TBC1D9B: variants seen among roughly 807,000 people sequenced by gnomAD.
TBC1D9B encodes the protein TBC1 domain family member 9B.
A neutral mutation model predicts 121.1 loss-of-function variants in TBC1D9B; 87 were observed. That is an observed-to-expected ratio of 0.72 (90% confidence interval 0.60 to 0.86). The LOEUF is 0.86. TBC1D9B is among the 40% of genes least tolerant of loss of function. The probability of loss-of-function intolerance (pLI) is 0.00; values close to 1 mark genes in which losing one functional copy is unlikely to be tolerated. For missense variants in TBC1D9B, 1,540 were observed against 1,628.6 expected, an observed-to-expected ratio of 0.95 and a Z score of 0.94; for synonymous variants, 668 against 670.1, an observed-to-expected ratio of 1.00 and a Z score of 0.05.
intron 15 of TBC1D9B, among the ~76,000 whole-genome samples, chr5:179,870,997 G>A (rs1171574159): frequency 6.6e-6 from 1 of 152,204 alleles, no homozygotes; most frequent in African/African-American, 2.4e-5. Flanking sequence ...AAAAGCACAA[G>A]GGAAAGAAAA....
chr5:179,862,786 T>C lies in TBC1D9B; in HGVS notation c.*662A>G. On this transcript the variant is annotated 3_prime_UTR_variant, in exon 21 of 21. Transcript: ENST00000355235. Reference sequence around the variant, plus strand: ...TTAAGGCATTGAGCACAGTGTAATTTCTAGCCAAGTGAAATGAATCCAAGG... The same window carrying C: ...TTAAGGCATTGAGCACAGTGTAATTCCTAGCCAAGTGAAATGAATCCAAGG... 1 of 342,402 alleles carries C rather than the reference T, an allele frequency of 2.9e-6. No individual in the cohort carries two copies. The highest frequency in any genetic ancestry group is 6.0e-6 in the Non-Finnish European group (1 of 167,622). 21.2% of individuals were successfully genotyped at this position (342,402 alleles called of 1,614,324 possible).
In TBC1D9B at chr5:179,865,203, C is replaced by T. The variant is rs746682556; in HGVS notation, c.3021+51G>A. 15 of 1,578,162 alleles carry T rather than the reference C, an allele frequency of 9.5e-6. No homozygotes were observed. In the Admixed American group the frequency reaches 2.5e-4, roughly 26 times the overall value. On this transcript the variant is annotated intron_variant, in intron 20 of 20. Transcript: ENST00000355235. This position sits in a 1 kb window ranked among gnomAD's most constrained non-coding sequence, Gnocchi z 5.1. ...AGGTGCGGTGATGTTAGGGCCCAGTCTTGGTCAGAACTCTCCAGAAATGTC... is the reference window on the plus strand; with the variant it reads ...AGGTGCGGTGATGTTAGGGCCCAGTTTTGGTCAGAACTCTCCAGAAATGTC...
Position 179,865,955 on chromosome 5 carries a change from G to A in TBC1D9B, c.2864-67C>T, listed in dbSNP as rs777923080. 4.4e-6 allele frequency: 7 copies of A among 1,589,220 alleles called. No individual in the cohort carries two copies. The highest frequency in any genetic ancestry group is 4.3e-6 in the Non-Finnish European group (5 of 1,158,000). ...GCTGTTGGGACTGCAAGCTCCTGGG[G>A]TCCTTGAGATGTAGTCTGTGTTTCT... On this transcript the variant is annotated intron_variant, in intron 18 of 20. Transcript: ENST00000355235. This position sits in a 1 kb window ranked among gnomAD's most constrained non-coding sequence, Gnocchi z 5.1.
Position 179,872,950 on chromosome 5 carries a change from C to A in TBC1D9B, c.2357G>T (p.Arg786Leu). The A allele has an allele frequency of 3.1e-6, 5 of 1,613,630 alleles. No homozygotes were observed. Among genetic ancestry groups the A allele is most frequent in the Non-Finnish European group, 4.2e-6 (5 of 1,179,838 alleles). The change falls in exon 14 of 21, where the codon CGG becomes CTG. Residue 786 changes from arginine (R) to leucine (L), a missense_variant. By Grantham distance (102) the Arg-to-Leu change is moderately radical. Transcript: ENST00000355235. Reference protein sequence around the residue: ...SLRAEDIEQMRFKQRLKVIQS... With the variant: ...SLRAEDIEQMLFKQRLKVIQS... ...GATCACTTTCAGCCTCTGTTTAAAC[C>A]GCATCTGCTCAATGTCTTCGGCCCT... is the stretch of plus-strand genomic sequence containing the variant.
intron 1 of TBC1D9B, among the ~76,000 whole-genome samples, chr5:179,905,734 C>T (rs961273741): frequency 6.6e-6 from 1 of 152,222 alleles, no homozygotes; most frequent in South Asian, 2.1e-4. Context: ...ATCTAAAAAC[C>T]TGTTTATTGT....
At chr5:179,889,734 T>G in intron 6 of TBC1D9B, among the ~76,000 whole-genome samples, 1 of 150,718 alleles carries the variant, frequency 6.6e-6, no homozygotes, top group African/African-American at 2.4e-5. Context: ...AACAGCTAGG[T>G]GTGGTGGCAA....
At chr5:179,880,367 G>C (rs1044522679) in intron 7 of TBC1D9B, among the ~76,000 whole-genome samples, 1 of 152,248 alleles carries the variant, frequency 6.6e-6, no homozygotes, top group Non-Finnish European at 1.5e-5. Context: ...AGAAAGCAAA[G>C]TCCAGTGGGG....
rs1165529140 is a variant in TBC1D9B at position 179,891,075 on chromosome 5, G to A, written c.1044+304C>T. Among the ~76,000 whole-genome samples, 1 of 152,230 alleles carries A rather than the reference G, an allele frequency of 6.6e-6. No homozygotes were observed. The stretch of plus-strand genomic sequence containing the variant: ...GCACTTTGCCCTGCAGGGCCCAGAA[G>A]GCAGGCCTGATGGAAACTCACGCGT... On this transcript the variant is annotated intron_variant, in intron 6 of 20. Transcript: ENST00000355235. This position sits in a 1 kb window ranked among gnomAD's most constrained non-coding sequence, Gnocchi z 4.3.
rs150027648 is a variant in TBC1D9B at position 179,875,701 on chromosome 5, T to C, written c.1900+219A>G. Among the ~76,000 whole-genome samples, 141 of 152,358 alleles carry C rather than the reference T, an allele frequency of 9.3e-4. 1 individual carries two copies. The highest frequency in any genetic ancestry group is 3.0e-3 in the African/African-American group (123 of 41,586). ...GGGGATATATACTCTCTAGTTTTGA[T>C]GTTTGAAATTTTCCATAATCAAAAA... is the stretch of plus-strand genomic sequence containing the variant. On this transcript the variant is annotated intron_variant, in intron 11 of 20. Transcript: ENST00000355235. The surrounding 1 kb of genome is among the most constrained non-coding windows in gnomAD (Gnocchi z 4.5).
chr5:179,907,771 CG>C lies in TBC1D9B; in HGVS notation c.50del (p.Thr17ArgfsTer126), dbSNP rs1761366788. 1 of 1,228,132 alleles carries C rather than the reference CG, an allele frequency of 8.1e-7. No homozygotes were observed. The highest frequency in any genetic ancestry group is 1.0e-6 in the Non-Finnish European group (1 of 956,856). 76.1% of individuals were successfully genotyped at this position (1,228,132 alleles called of 1,614,324 possible). A position where few individuals can be genotyped will look rare whatever the true frequency, so the allele number is the denominator to read the frequency against. The part of the protein sequence containing the change: ...EVLVANALWV[T>X]ERANPFFVLQ... ...GCACGAAGAAGGGGTTGGCCCGCTC[CG>C]TCACCCACAGCGCATTGGCCACCAG... is the stretch of plus-strand genomic sequence containing the variant. On this transcript the variant is annotated frameshift_variant, in exon 1 of 21. Coordinates refer to ENST00000355235, the MANE Select transcript of TBC1D9B (RefSeq NM_015043.4). LOFTEE classifies it high-confidence loss of function. This position sits in a 1 kb window ranked among gnomAD's most constrained non-coding sequence, Gnocchi z 5.3.
chr5:179,865,239 T>C lies in TBC1D9B; in HGVS notation c.3021+15A>G. 1 of 1,613,030 alleles carries C rather than the reference T, an allele frequency of 6.2e-7. No individual in the cohort carries two copies. Among genetic ancestry groups the C allele is most frequent in the Non-Finnish European group, 8.5e-7 (1 of 1,178,960 alleles). On this transcript the variant is annotated intron_variant, in intron 20 of 20. Transcript: ENST00000355235. This position sits in a 1 kb window ranked among gnomAD's most constrained non-coding sequence, Gnocchi z 5.1. The stretch of plus-strand genomic sequence containing the variant: ...CTCTCCAGAAATGTCTACTGTGGGC[T>C]CCAGTGGAGCCTACCTGGTTCATCT...
rs148187339 is a variant in TBC1D9B at position 179,862,429 on chromosome 5, A to G, written c.*1019T>C. 11 of 394,896 alleles carry G rather than the reference A, an allele frequency of 2.8e-5. No individual in the cohort carries two copies. The East Asian group carries it at 7.5e-4, about 27-fold the overall frequency. The allele number at this position is 394,896 out of a possible 1,614,324, so 24.5% of individuals were successfully genotyped here. On this transcript the variant is annotated 3_prime_UTR_variant, in exon 21 of 21. Coordinates refer to ENST00000355235, the MANE Select transcript of TBC1D9B (RefSeq NM_015043.4). The stretch of plus-strand genomic sequence containing the variant: ...CTCCACAGTCTGGTTCTTGAACCCA[A>G]GGGCAGACAGCTTGCTACAGCCCAG...
At chr5:179,897,142 C>T (rs1440823476) in intron 3 of TBC1D9B, among the ~76,000 whole-genome samples, 1 of 151,874 alleles carries the variant, frequency 6.6e-6, no homozygotes, top group Non-Finnish European at 1.5e-5. Flanking sequence ...CTCCTGACCT[C>T]GTGATCCGCC....
chr5:179,875,305 G>A lies in TBC1D9B; in HGVS notation c.1901-118C>T. 3.1e-6 allele frequency: 4 copies of A among 1,289,454 alleles called. No homozygotes were observed. The highest frequency in any genetic ancestry group is 2.5e-5 in the East Asian group (1 of 40,462). The allele number at this position is 1,289,454 out of a possible 1,614,324, so 79.9% of individuals were successfully genotyped here. A position where few individuals can be genotyped will look rare whatever the true frequency, so the allele number is the denominator to read the frequency against. On this transcript the variant is annotated intron_variant, in intron 11 of 20. Transcript: ENST00000355235. This position sits in a 1 kb window ranked among gnomAD's most constrained non-coding sequence, Gnocchi z 4.5. ...CTGCCAGCTGTGCAGTGAGGGCTGA[G>A]GGAGACTTGGAGTGCTGGGAGAAAA...
rs1760643892 is a variant in TBC1D9B at position 179,885,257 on chromosome 5, A to G, written c.1254+2846T>C. Among the ~76,000 whole-genome samples the G allele has an allele frequency of 2.0e-5, 3 of 152,230 alleles. No individual in the cohort carries two copies. Among genetic ancestry groups the G allele is most frequent in the Non-Finnish European group, 4.4e-5 (3 of 68,046 alleles). ...AACAATATATTTGACTTAATCCAAT[A>G]TATCCAAAATACTCGCATTTCAACA... On this transcript the variant is annotated intron_variant, in intron 7 of 20. Transcript: ENST00000355235. The surrounding 1 kb of genome is among the most constrained non-coding windows in gnomAD (Gnocchi z 4.5).
chr5:179,902,057 G>A lies in TBC1D9B; in HGVS notation c.229+2645C>T, dbSNP rs1276489446. On this transcript the variant is annotated intron_variant, in intron 2 of 20. Coordinates refer to ENST00000355235, the MANE Select transcript of TBC1D9B (RefSeq NM_015043.4). This position sits in a 1 kb window ranked among gnomAD's most constrained non-coding sequence, Gnocchi z 4.9. ...TTACCCAAGGTCACACAGCTGGGAAGTGATCAAATCAGAATCCTAACCCTG... is the reference window on the plus strand; with the variant it reads ...TTACCCAAGGTCACACAGCTGGGAAATGATCAAATCAGAATCCTAACCCTG... Among the ~76,000 whole-genome samples, 3 of 152,362 alleles carry A rather than the reference G, an allele frequency of 2.0e-5. No homozygotes were observed.
At chr5:179,871,622 G>GGCAA (rs1463110409) in intron 14 of TBC1D9B, 92 bp from the exon 15 acceptor site, 6 of 1,421,510 alleles carry the variant, frequency 4.2e-6, no homozygotes, top group Non-Finnish European at 3.9e-6. Flanking sequence ...GGCAGACAAG[G>GGCAA]GCAAGGGTGT....
chr5:179,887,821 G>A (rs980451122), intron 7 of TBC1D9B: 4 of 505,210 alleles, frequency 7.9e-6, no homozygotes, highest in African/African-American at 5.8e-5. Context: ...TGCTCTGAGT[G>A]CAGCAGCAAT....
At position 179,875,843 on chromosome 5, in the gene TBC1D9B, C is replaced by T. The variant is rs1760342266; in HGVS notation, c.1900+77G>A. On this transcript the variant is annotated intron_variant, in intron 11 of 20. Transcript: ENST00000355235. The surrounding 1 kb of genome is among the most constrained non-coding windows in gnomAD (Gnocchi z 4.5). Reference sequence around the variant, plus strand: ...AACCCACGTGAAGCCTGGAGCTTGGCCTGGGAAGGGCTGCCACCCTCATGG... The same window carrying T: ...AACCCACGTGAAGCCTGGAGCTTGGTCTGGGAAGGGCTGCCACCCTCATGG... The T allele has an allele frequency of 8.1e-7, 1 of 1,228,004 alleles. No individual in the cohort carries two copies. The highest frequency in any genetic ancestry group is 1.5e-5 in the African/African-American group (1 of 65,430). The allele number at this position is 1,228,004 out of a possible 1,614,324, so 76.1% of individuals were successfully genotyped here.
Sources: gnomAD v4.1 joint callset for allele counts (sites outside exome capture counted in the v4.1 genomes callset) on GRCh38, gnomAD v4.1.1 for gene constraint, Gnocchi (gnomAD v3.1) non-coding constraint, MANE v1.5 for transcripts, NCBI Gene and HGNC (gene_info 2026-07-23, HGNC 2026-07-21) for gene names.